The following MCF2L variants were observed in gnomAD, a reference collection of about 807,000 sequenced individuals.
MCF2L encodes guanine nucleotide exchange factor DBS.
A neutral mutation model predicts 153.4 loss-of-function variants in MCF2L; 97 were observed. The observed-to-expected ratio is 0.63, with a 90% CI of 0.54 to 0.75. The LOEUF is 0.75. Ranked by LOEUF, MCF2L falls within the 30% of genes least tolerant of loss-of-function variation. The pLI is 0.00. For synonymous variants in MCF2L, 659 were observed against 632.2 expected (o/e 1.04, Z -0.64); for missense variants, 1,347 against 1,495.2 (o/e 0.90, Z 1.64).
chr13:112,968,373 G>A (rs1425112696), upstream of MCF2L: 3 of 1,480,078 alleles, frequency 2.0e-6, no homozygotes, highest in East Asian at 2.5e-5. Context: ...CTGTGATGGC[G>A]GCCATGGCCC....
chr13:113,096,515 C>T (rs1010122759), intron 28 of MCF2L, 32 bp downstream of exon 28: 1 of 1,582,218 alleles, frequency 6.3e-7, no homozygotes, highest in Admixed American at 1.8e-5. Context: ...CGGACTGCCC[C>T]GCACGTGGCT....
upstream of MCF2L, chr13:112,967,632 T>C (rs1337985377): frequency 6.6e-6 from 1 of 152,388 alleles, no homozygotes; most frequent in Non-Finnish European, 1.5e-5. Flanking sequence ...GTCACCTTCA[T>C]CTTTTTATCC....
chr13:112,923,596 C>T (rs2140579022), intron 2 of MCF2L, among the ~76,000 whole-genome samples: 1 of 152,172 alleles, frequency 6.6e-6, no homozygotes, highest in South Asian at 2.1e-4. Context: ...TATTTGTTTG[C>T]TTATAAAACT....
intron 1 of MCF2L, among the ~76,000 whole-genome samples, chr13:112,999,910 A>G (rs1252873482): frequency 6.6e-6 from 1 of 151,514 alleles, no homozygotes; most frequent in Non-Finnish European, 1.5e-5. Flanking sequence ...GCAGGGCTGA[A>G]GTGCGGGCGG....
intron 2 of MCF2L, among the ~76,000 whole-genome samples, chr13:112,903,873 G>A (rs1409733665): frequency 1.3e-5 from 2 of 152,174 alleles, no homozygotes; most frequent in Non-Finnish European, 2.9e-5. Flanking sequence ...AGTGAAGCGG[G>A]GCTGTCAGGA....
Position 113,088,647 on chromosome 13 carries a change from C to T in MCF2L, c.2834+19C>T. On this transcript the variant is annotated intron_variant, in intron 25 of 29. Coordinates refer to ENST00000535094, the MANE Select transcript of MCF2L (RefSeq NM_001112732.3). ...GCACCAGGTGAGAATGGACACGCTG[C>T]CGCAGGCCTGCGTTTCTGGAGCAGT... 6.2e-7 allele frequency: 1 copy of T among 1,601,204 alleles called. No individual in the cohort carries two copies.
upstream of MCF2L, chr13:112,968,853 G>C: frequency 9.3e-7 from 1 of 1,073,582 alleles, no homozygotes; most frequent in South Asian, 2.1e-5. Flanking sequence ...CACTTGTGCG[G>C]CACCCGCGGG....
intron 1 of MCF2L, among the ~76,000 whole-genome samples, chr13:112,982,327 G>A (rs1187515205): frequency 1.3e-5 from 2 of 152,210 alleles, no homozygotes; most frequent in Admixed American, 6.5e-5. Context: ...GATGTTGGCC[G>A]TGCCGTGGAG....
At chr13:113,030,077 G>C (rs940233038) in intron 3 of MCF2L, among the ~76,000 whole-genome samples, 1 of 152,110 alleles carries the variant, frequency 6.6e-6, no homozygotes, top group Admixed American at 6.5e-5. Flanking sequence ...ATCATTTTTG[G>C]AATATTAGAC....
chr13:112,945,043 G>T (rs2081623523), intron 2 of MCF2L, among the ~76,000 whole-genome samples: 1 of 149,572 alleles, frequency 6.7e-6, no homozygotes, highest in African/African-American at 2.5e-5. Flanking sequence ...GGAAGATGGT[G>T]CAGGGTGGGC....
At chr13:112,910,538 C>G (rs893897571) in intron 2 of MCF2L, 2 of 152,244 alleles carry the variant, frequency 1.3e-5, no homozygotes, top group Non-Finnish European at 2.9e-5. Context: ...GATACACAGT[C>G]TTCAATTTTG....
At chr13:112,900,613 T>C (rs2081110486) in intron 1 of MCF2L, among the ~76,000 whole-genome samples, 2 of 151,260 alleles carry the variant, frequency 1.3e-5, no homozygotes, top group Admixed American at 1.3e-4. Context: ...GAGTCAAGGC[T>C]GTGGAGCTTG....
intron 12 of MCF2L, 91 bp from the exon 13 acceptor site, chr13:113,076,961 G>A: frequency 1.4e-6 from 2 of 1,380,372 alleles, no homozygotes; most frequent in Non-Finnish European, 2.0e-6. Flanking sequence ...AGCGGGGGTT[G>A]GGCGTGCCCC....
Position 113,096,580 on chromosome 13 carries a change from G to C in MCF2L, c.3219G>C (p.Glu1073Asp), listed in dbSNP as rs376350190. 255 of 1,604,502 alleles carry C rather than the reference G, an allele frequency of 1.6e-4. No homozygotes were observed. The African/African-American group carries it at 3.1e-3, about 19-fold the overall frequency. Residue 1073 changes from glutamate to aspartate, a missense_variant, in exon 29 of 30, where the codon GAG becomes GAC. Coordinates refer to ENST00000535094, the MANE Select transcript of MCF2L (RefSeq NM_001112732.3). ...WYVRDPTTGK[E>D]GWVPASSLSV... Reference sequence around the variant, plus strand: ...TCAGGGACCCGACCACTGGCAAGGAGGGCTGGGTGCCGGCCAGCAGCCTGT... The same window carrying C: ...TCAGGGACCCGACCACTGGCAAGGACGGCTGGGTGCCGGCCAGCAGCCTGT...
chr13:113,060,446 T>C, intron 4 of MCF2L, 147 bp from the exon 5 acceptor site: 1 of 844,370 alleles, frequency 1.2e-6, no homozygotes, highest in South Asian at 1.7e-5. Context: ...ATCTCTACCA[T>C]GTTTATCTCA....
Position 113,028,111 on chromosome 13 carries a change from A to T in MCF2L, c.278+3353A>T, listed in dbSNP as rs534549327. On this transcript the variant is annotated intron_variant, in intron 3 of 29. Transcript: ENST00000535094. This position sits in a 1 kb window ranked among gnomAD's most constrained non-coding sequence, Gnocchi z 5.4. The stretch of plus-strand genomic sequence containing the variant: ...ATCAGGGCTGTTGTCAGTGCTTGCT[A>T]CTTGGAGCCATGAGCTGGGGCGCCT... Among the ~76,000 whole-genome samples, 1 of 152,246 alleles carries T rather than the reference A, an allele frequency of 6.6e-6. No individual in the cohort carries two copies. The highest frequency in any genetic ancestry group is 2.1e-4 in the South Asian group (1 of 4,820).
Position 113,075,104 on chromosome 13 carries a change from A to G in MCF2L, c.1223A>G (p.His408Arg), listed in dbSNP as rs753680105. 4 of 1,613,486 alleles carry G rather than the reference A, an allele frequency of 2.5e-6. No homozygotes were observed. The highest frequency in any genetic ancestry group is 3.4e-6 in the Non-Finnish European group (4 of 1,179,960). ...CGCCCAAAGTGCCAGGAGCTCCGGC[A>G]CCTCTGTGACCAGTTCTCTGCGGAG... ...SIRPKCQELRHLCDQFSAEIA... is the reference protein window; with the variant it reads ...SIRPKCQELRRLCDQFSAEIA... The change falls in exon 11 of 30, where the codon CAC becomes CGC. Residue 408 changes from histidine to arginine, a missense_variant. By Grantham distance (29) the His-to-Arg change is conservative (BLOSUM62 0). Around this residue, in one of 3 missense-constraint regions of MCF2L, gnomAD observed 820 missense variants for 921.2 expected, o/e 0.89. Transcript: ENST00000535094.
intron 1 of MCF2L, among the ~76,000 whole-genome samples, chr13:112,980,631 G>A (rs1372080704): frequency 1.3e-5 from 2 of 151,998 alleles, no homozygotes; most frequent in East Asian, 1.9e-4. Context: ...TCAGGCTGCC[G>A]CCTTCCCCTT....
In MCF2L at chr13:113,060,627, T is replaced by A; in HGVS notation, c.404T>A (p.Val135Glu). The A allele has an allele frequency of 1.2e-6, 2 of 1,613,614 alleles. No individual in the cohort carries two copies. The highest frequency in any genetic ancestry group is 1.7e-6 in the Non-Finnish European group (2 of 1,179,986). Reference protein sequence around the residue: ...SFPANLQLVLVLRPTGFFQRT... With the variant: ...SFPANLQLVLELRPTGFFQRT... ...CCGGCAAACCTGCAGCTCGTCCTCG[T>A]GCTTCGCCCGACGGGTTTTTTCCAA... is the stretch of plus-strand genomic sequence containing the variant. Residue 135 changes from valine (V) to glutamate (E), a missense_variant, in exon 5 of 30, where the codon GTG (valine) becomes GAG (glutamate). By Grantham distance (121) the Val-to-Glu change is moderately radical. This residue lies in a region of MCF2L where 820 missense variants were observed against 921.2 expected (regional missense o/e 0.89). Transcript: ENST00000535094.
Sources: allele counts gnomAD v4.1 joint callset (sites outside exome capture counted in the v4.1 genomes callset), GRCh38; gene constraint gnomAD v4.1.1; regional missense constraint gnomAD v4.1.1; non-coding constraint Gnocchi (gnomAD v3.1); transcripts MANE v1.5; gene names NCBI Gene and HGNC (gene_info 2026-07-23, HGNC 2026-07-21).